PPARA: variants seen among roughly 807,000 people sequenced by gnomAD.
PPARA encodes peroxisome proliferator activated receptor alpha, also known as peroxisome proliferator-activated receptor alpha.
A neutral mutation model predicts 42.2 loss-of-function variants in PPARA; 22 were observed. That is an observed-to-expected ratio of 0.52 (90% CI 0.37 to 0.74). The LOEUF is 0.74. Ranked by LOEUF, PPARA falls within the 30% of genes least tolerant of loss-of-function variation. PPARA has a pLI of 0.00. For synonymous variants in PPARA, 242 were observed against 239.3 expected, an observed-to-expected ratio of 1.01 and a Z score of -0.10; for missense variants, 465 against 608.2, an observed-to-expected ratio of 0.76 and a Z score of 2.48.
At chr22:46,215,738 A>G (rs1203548494) in intron 5 of PPARA, among the ~76,000 whole-genome samples, 1 of 141,630 alleles carries the variant, frequency 7.1e-6, no homozygotes, top group East Asian at 2.0e-4. Context: ...GTGAGACTCC[A>G]TCTTAAAAAA....
At position 46,184,528 on chromosome 22, in the gene PPARA, T is replaced by G. The variant is rs1301402845; in HGVS notation, c.-43+7692T>G. 3.3e-5 allele frequency among the ~76,000 whole-genome samples: 5 copies of G among 152,170 alleles called. No individual in the cohort carries two copies. The highest frequency in any genetic ancestry group is 5.9e-5 in the Non-Finnish European group (4 of 68,028). Reference sequence around the variant, plus strand: ...CTCCCATATTTAGAAGGTTTCCAACTGTTATCTTTCACTTCCCATGTTGCT... The same window carrying G: ...CTCCCATATTTAGAAGGTTTCCAACGGTTATCTTTCACTTCCCATGTTGCT... On this transcript the variant is annotated intron_variant, in intron 3 of 8. Coordinates refer to ENST00000407236, the MANE Select transcript of PPARA (RefSeq NM_005036.6). This position sits in a 1 kb window ranked among gnomAD's most constrained non-coding sequence, Gnocchi z 4.4.
At position 46,159,709 on chromosome 22, in the gene PPARA, G is replaced by A. The variant is rs555024727; in HGVS notation, c.-127+7739G>A. ...GGGAATTTTTTAAGTTCAATTATGCGAAGATCTTGAAGGTGGGACTCAAAG... is the reference window on the plus strand; with the variant it reads ...GGGAATTTTTTAAGTTCAATTATGCAAAGATCTTGAAGGTGGGACTCAAAG... On this transcript the variant is annotated intron_variant, in intron 2 of 8. Coordinates refer to ENST00000407236, the MANE Select transcript of PPARA (RefSeq NM_005036.6). Among the ~76,000 whole-genome samples the A allele has an allele frequency of 7.9e-5, 12 of 152,302 alleles. No individual in the cohort carries two copies. The East Asian group carries it at 1.5e-3, about 20-fold the overall frequency.
In PPARA at chr22:46,219,871, A is replaced by G; in HGVS notation, c.568A>G (p.Thr190Ala). The stretch of plus-strand genomic sequence containing the variant: ...AGCAAAACTGAAAGCAGAAATTCTT[A>G]CCTGTGAACATGACATAGAAGATTC... ...EKAKLKAEIL[T>A]CEHDIEDSET... The change falls in exon 7 of 9, where the codon ACC becomes GCC. Residue 190 changes from threonine to alanine, a missense_variant. Physicochemically the swap from Thr to Ala is moderately conservative, Grantham distance 58. Coordinates refer to ENST00000407236, the MANE Select transcript of PPARA (RefSeq NM_005036.6). The surrounding 1 kb of genome is among the most constrained non-coding windows in gnomAD (Gnocchi z 4.8). 1 of 1,614,230 alleles carries G rather than the reference A, an allele frequency of 6.2e-7. No individual in the cohort carries two copies. The highest frequency in any genetic ancestry group is 8.5e-7 in the Non-Finnish European group (1 of 1,180,050).
In PPARA at chr22:46,161,877, C is replaced by T. The variant is rs1439982040; in HGVS notation, c.-127+9907C>T. ...CCACCCCCTCTGGCTCCACGAGGCC[C>T]CCTGTACGTCACCATCACCTTTGTG... On this transcript the variant is annotated intron_variant, in intron 2 of 8. Coordinates refer to ENST00000407236, the MANE Select transcript of PPARA (RefSeq NM_005036.6). This position sits in a 1 kb window ranked among gnomAD's most constrained non-coding sequence, Gnocchi z 4.8. 6.6e-6 allele frequency among the ~76,000 whole-genome samples: 1 copy of T among 152,160 alleles called. No homozygotes were observed. Among genetic ancestry groups the T allele is most frequent in the Non-Finnish European group, 1.5e-5 (1 of 68,010 alleles).
rs567184823 is a variant in PPARA, at chr22:46,190,942, G to C, written c.-42-7400G>C. ...ACAGTGGCTCATGCCTGTAATCCCA[G>C]CACTTTGGGAGGCCGAGGTGGGCGG... On this transcript the variant is annotated intron_variant, in intron 3 of 8. Transcript: ENST00000407236. The surrounding 1 kb of genome is among the most constrained non-coding windows in gnomAD (Gnocchi z 5.6). Among the ~76,000 whole-genome samples, 137 of 152,300 alleles carry C rather than the reference G, an allele frequency of 9.0e-4. No individual in the cohort carries two copies. Among genetic ancestry groups the C allele is most frequent in the African/African-American group, 3.2e-3 (132 of 41,554 alleles).
At chr22:46,172,686 G>A (rs555805913) in intron 2 of PPARA, among the ~76,000 whole-genome samples, 10 of 152,302 alleles carry the variant, frequency 6.6e-5, no homozygotes, top group South Asian at 2.1e-4. Context: ...GCCATAAGCC[G>A]TAACTTTGTG....
rs1467640737 is a variant in PPARA, at chr22:46,232,265, T to C, written c.1159+26T>C. ...GTGAGTGGTTGATTTAATCTGCTGG[T>C]ATCATGTCACTGACAGGCTCCTGTC... On this transcript the variant is annotated intron_variant, in intron 8 of 8. Transcript: ENST00000407236. The surrounding 1 kb of genome is among the most constrained non-coding windows in gnomAD (Gnocchi z 5.3). The C allele has an allele frequency of 1.3e-5, 21 of 1,609,446 alleles. 1 individual carries two copies. The Admixed American group carries it at 3.0e-4, about 23-fold the overall frequency.
rs1932778728 is a variant in PPARA at position 46,200,217 on chromosome 22, A to G, written c.208+1626A>G. On this transcript the variant is annotated intron_variant, in intron 4 of 8. Coordinates refer to ENST00000407236, the MANE Select transcript of PPARA (RefSeq NM_005036.6). This position sits in a 1 kb window ranked among gnomAD's most constrained non-coding sequence, Gnocchi z 4.8. ...TTTTAAAAGACTTCAGCAGTGTGAT[A>G]AACCTGGGTGGTGTGTACATGGGTA... is the stretch of plus-strand genomic sequence containing the variant. Among the ~76,000 whole-genome samples, 1 of 152,246 alleles carries G rather than the reference A, an allele frequency of 6.6e-6. No homozygotes were observed. Among genetic ancestry groups the G allele is most frequent in the Non-Finnish European group, 1.5e-5 (1 of 68,044 alleles).
chr22:46,178,186 AAAACATG>A (rs1174686685), intron 3 of PPARA, among the ~76,000 whole-genome samples: 1 of 152,248 alleles, frequency 6.6e-6, no homozygotes, highest in East Asian at 1.9e-4. Flanking sequence ...ATATTAAAGG[AAAACATG>A]AAATATTTCT....
rs926466433 is a variant in PPARA, at chr22:46,238,716, A to G, written c.*3336A>G. ...CTCGGGAGCAGACGCAGGCCTCTCC[A>G]TTGTCCAGGGGAGCCTGGCGGCGCA... On this transcript the variant is annotated 3_prime_UTR_variant, in exon 9 of 9. Transcript: ENST00000407236. This position sits in a 1 kb window ranked among gnomAD's most constrained non-coding sequence, Gnocchi z 8.3. 1 of 152,192 alleles carries G rather than the reference A, an allele frequency of 6.6e-6. No homozygotes were observed. Among genetic ancestry groups the G allele is most frequent in the Admixed American group, 6.5e-5 (1 of 15,276 alleles). 9.4% of individuals were successfully genotyped at this position (152,192 alleles called of 1,614,324 possible). A position where few individuals can be genotyped will look rare whatever the true frequency, so the allele number is the denominator to read the frequency against.
rs1467452878 is a variant in PPARA, at chr22:46,231,080, C to T, written c.712-712C>T. Among the ~76,000 whole-genome samples, 3 of 152,070 alleles carry T rather than the reference C, an allele frequency of 2.0e-5. No individual in the cohort carries two copies. The highest frequency in any genetic ancestry group is 2.9e-5 in the Non-Finnish European group (2 of 68,018). ...TTTTTTTGAGACGGAGTCTTACTCT[C>T]GCTCTGTCGCCCAGACTGGAGACTG... On this transcript the variant is annotated intron_variant, in intron 7 of 8. Transcript: ENST00000407236. This position sits in a 1 kb window ranked among gnomAD's most constrained non-coding sequence, Gnocchi z 7.7.
chr22:46,166,629 AAAC>A (rs1927112168), intron 2 of PPARA, among the ~76,000 whole-genome samples: 2 of 152,026 alleles, frequency 1.3e-5, no homozygotes, highest in Admixed American at 6.6e-5. Flanking sequence ...AAAAAAAAAA[AAAC>A]AAAAAACAGT....
chr22:46,201,147 A>C (rs1212424326), intron 4 of PPARA, among the ~76,000 whole-genome samples: 8 of 151,490 alleles, frequency 5.3e-5, no homozygotes. Flanking sequence ...AAAAAAAGTA[A>C]GTAACCTGCC....
chr22:46,207,960 C>G (rs1933556962), intron 4 of PPARA, among the ~76,000 whole-genome samples: 1 of 151,980 alleles, frequency 6.6e-6, no homozygotes, highest in Non-Finnish European at 1.5e-5. Flanking sequence ...GTTGGGATTA[C>G]AGGGATTACA....
chr22:46,223,113 G>A lies in PPARA; in HGVS notation c.711+3099G>A, dbSNP rs999580126. Among the ~76,000 whole-genome samples, 11 of 152,222 alleles carry A rather than the reference G, an allele frequency of 7.2e-5. No homozygotes were observed. In the South Asian group the frequency reaches 1.0e-3, roughly 14 times the overall value. On this transcript the variant is annotated intron_variant, in intron 7 of 8. Coordinates refer to ENST00000407236, the MANE Select transcript of PPARA (RefSeq NM_005036.6). ...CAAGGCTGCAGCGAGCCACGATCGC[G>A]CCACTGCACTCCAGCCTAGGCGACA...
Position 46,150,568 on chromosome 22 carries a change from G to A in PPARA, c.-294G>A, listed in dbSNP as rs1299297556. ...GCGGCGGGGGCAGCGGGCGGCGGGG[G>A]CGGAGGCGGCCGCTAGCGCCCTGCC... On this transcript the variant is annotated 5_prime_UTR_variant, in exon 1 of 9. Coordinates refer to ENST00000407236, the MANE Select transcript of PPARA (RefSeq NM_005036.6). The surrounding 1 kb of genome is among the most constrained non-coding windows in gnomAD (Gnocchi z 7.5). 1.4e-5 allele frequency: 2 copies of A among 145,656 alleles called. No individual in the cohort carries two copies. The highest frequency in any genetic ancestry group is 2.0e-4 in the East Asian group (1 of 5,012). 9.0% of individuals were successfully genotyped at this position (145,656 alleles called of 1,614,324 possible).
chr22:46,173,316 T>C lies in PPARA; in HGVS notation c.-126-3437T>C, dbSNP rs1254390952. ...ACCTCTAGTTCCAAATAAGAAAGCC[T>C]TGGACACATTTCCAGTTGGCAAGCT... On this transcript the variant is annotated intron_variant, in intron 2 of 8. Transcript: ENST00000407236. The surrounding 1 kb of genome is among the most constrained non-coding windows in gnomAD (Gnocchi z 4.3). 2.6e-5 allele frequency among the ~76,000 whole-genome samples: 4 copies of C among 152,244 alleles called. No homozygotes were observed. The highest frequency in any genetic ancestry group is 2.6e-4 in the Admixed American group (4 of 15,284).
rs191231643 is a variant in PPARA at position 46,215,975 on chromosome 22, T to C, written c.369+642T>C. ...CCATCTGTGGAAAAATTGTCTTCCA[T>C]GAAACCGGTCCCTGGTGGCAAAAAG... On this transcript the variant is annotated intron_variant, in intron 5 of 8. Coordinates refer to ENST00000407236, the MANE Select transcript of PPARA (RefSeq NM_005036.6). Among the ~76,000 whole-genome samples, 16 of 152,284 alleles carry C rather than the reference T, an allele frequency of 1.1e-4. No individual in the cohort carries two copies. In the East Asian group the frequency reaches 1.7e-3, roughly 17 times the overall value.
intron 2 of PPARA, 92 bp from the exon 3 acceptor site, chr22:46,176,661 G>A (rs1929108451): frequency 6.6e-6 from 1 of 152,154 alleles, no homozygotes; most frequent in Non-Finnish European, 1.5e-5. Flanking sequence ...ATATTCTAGT[G>A]TTGTTGAATG....
Sources: allele counts gnomAD v4.1 joint callset (sites outside exome capture counted in the v4.1 genomes callset), GRCh38; gene constraint gnomAD v4.1.1; non-coding constraint Gnocchi (gnomAD v3.1); transcripts MANE v1.5; gene names NCBI Gene and HGNC (gene_info 2026-07-23, HGNC 2026-07-21).